ADH7: variants seen among roughly 807,000 people sequenced by gnomAD.
ADH7 encodes the protein alcohol dehydrogenase 7 (class IV), mu or sigma polypeptide, also known as all-trans-retinol dehydrogenase [NAD(+)] ADH7.
ADH7 carries 41 observed loss-of-function variants against 34.4 expected under a neutral mutation model. That is an observed-to-expected ratio of 1.19 (90% CI 0.93 to 1.55). ADH7 has a LOEUF of 1.55. Among genes scored for constraint, ADH7 ranks in the 40% most tolerant of loss-of-function variants. The pLI is 0.00. For synonymous variants in ADH7, 180 were observed against 160.9 expected, an observed-to-expected ratio of 1.12 and a Z score of -0.90; for missense variants, 540 against 461.2, an observed-to-expected ratio of 1.17 and a Z score of -1.56.
At chr4:99,414,298 C>A (rs1402084966) in intron 8 of ADH7, among the ~76,000 whole-genome samples, 1 of 151,624 alleles carries the variant, frequency 6.6e-6, no homozygotes, top group African/African-American at 2.4e-5. Flanking sequence ...AGACAAGACA[C>A]AACATTGAAA....
intron 5 of ADH7, among the ~76,000 whole-genome samples, chr4:99,422,340 C>G (rs1379736123): frequency 6.6e-6 from 1 of 152,204 alleles, no homozygotes; most frequent in South Asian, 2.1e-4. Flanking sequence ...GAAATGAGAT[C>G]ATGTCCTTTG....
rs200238844 is a variant in ADH7 at position 99,428,155 on chromosome 4, G to T, written c.279C>A (p.Leu93=). Residue 93 remains leucine, a synonymous_variant, in exon 4 of 9, where the codon CTC becomes CTA. Transcript: ENST00000437033. ...TVKPGDKVIP[L]FLPQCRECNA... ...TGCATTCTCTACATTGTGGCAGAAA[G>T]AGAGGGATGACTTTGTCACCTACAG... 36 of 1,613,922 alleles carry T rather than the reference G, an allele frequency of 2.2e-5. No individual in the cohort carries two copies. Among genetic ancestry groups the T allele is most frequent in the Admixed American group, 8.3e-5 (5 of 59,966 alleles).
intron 3 of ADH7, 91 bp downstream of exon 3, chr4:99,428,401 C>A (rs1217125146): frequency 2.1e-6 from 3 of 1,422,852 alleles, no homozygotes; most frequent in South Asian, 2.7e-5. Context: ...TGTTAAGGAT[C>A]CCTCTAATAA....
Position 99,415,546 on chromosome 4 carries a change from C to A in ADH7, c.1032G>T (p.Gln344His). ...TAAATGGTAAAACATGAGTTATCAA[C>A]TGGTCCAGGTCAAATTTCTTTGCCA... ...EFLAKKFDLD[Q>H]LITHVLPFKK... The change falls in exon 8 of 9, where the codon CAG becomes CAT. Residue 344 changes from glutamine (Q) to histidine (H), a missense_variant. Transcript: ENST00000437033. 1 of 1,613,650 alleles carries A rather than the reference C, an allele frequency of 6.2e-7. No homozygotes were observed. The highest frequency in any genetic ancestry group is 8.5e-7 in the Non-Finnish European group (1 of 1,179,738).
Position 99,415,521 on chromosome 4 carries a change from T to A in ADH7, c.1057A>T (p.Lys353Ter). 3 of 1,613,550 alleles carry A rather than the reference T, an allele frequency of 1.9e-6. No individual in the cohort carries two copies. Among genetic ancestry groups the A allele is most frequent in the Non-Finnish European group, 1.7e-6 (2 of 1,179,652 alleles). ...DQLITHVLPF[K>*]KISEGFELLN... ...AGCTCAAATCCTTCACTGATTTTTT[T>A]AAATGGTAAAACATGAGTTATCAAC... Residue 353 changes from lysine to a stop codon, truncating the protein, a stop_gained, in exon 8 of 9, where the codon AAA (lysine) becomes TAA (stop). Transcript: ENST00000437033. LOFTEE classifies it low-confidence loss of function (END_TRUNC).
chr4:99,419,066 A>T lies in ADH7; in HGVS notation c.881T>A (p.Val294Asp), dbSNP rs1361624637. The stretch of plus-strand genomic sequence containing the variant: ...GGTGAGCATCTTGGCTGATGGAGGA[A>T]CTCCTACAACCACGCTGGTCCCATA... ...MNYGTSVVVG[V>D]PPSAKMLTYD... Residue 294 changes from valine (V) to aspartate (D), a missense_variant, in exon 7 of 9, where the codon GTT becomes GAT. Coordinates refer to ENST00000437033, the MANE Select transcript of ADH7 (RefSeq NM_000673.7). The T allele has an allele frequency of 6.2e-7, 1 of 1,613,808 alleles. No homozygotes were observed. The highest frequency in any genetic ancestry group is 2.2e-5 in the East Asian group (1 of 44,862).
chr4:99,415,648 A>G (rs1006446943), intron 7 of ADH7, 32 bp from the exon 8 acceptor site: 10 of 1,597,012 alleles, frequency 6.3e-6, no homozygotes, highest in East Asian at 2.2e-5. Flanking sequence ...CTCTTTAGAC[A>G]TTACTAAATA....
chr4:99,417,172 A>G (rs766909151), intron 7 of ADH7, among the ~76,000 whole-genome samples: 2 of 152,084 alleles, frequency 1.3e-5, no homozygotes, highest in African/African-American at 2.4e-5. Flanking sequence ...GAGAGTGTTA[A>G]AATGGAAGTC....
In ADH7 at chr4:99,412,591, C is replaced by T. The variant is rs959249570; in HGVS notation, c.*557G>A. 2.0e-5 allele frequency: 3 copies of T among 152,092 alleles called. No individual in the cohort carries two copies. The highest frequency in any genetic ancestry group is 2.1e-4 in the South Asian group (1 of 4,828). The allele number at this position is 152,092 out of a possible 1,614,324, so 9.4% of individuals were successfully genotyped here. A position where few individuals can be genotyped will look rare whatever the true frequency, so the allele number is the denominator to read the frequency against. On this transcript the variant is annotated 3_prime_UTR_variant, in exon 9 of 9. Coordinates refer to ENST00000437033, the MANE Select transcript of ADH7 (RefSeq NM_000673.7). ...AAGTTATGTAATGATGATTCTTAATCGTTGAAAAATGTGCCCGTCCCTTAA... is the reference window on the plus strand; with the variant it reads ...AAGTTATGTAATGATGATTCTTAATTGTTGAAAAATGTGCCCGTCCCTTAA...
At chr4:99,433,945 A>G (rs1721992478) in intron 1 of ADH7, among the ~76,000 whole-genome samples, 1 of 152,190 alleles carries the variant, frequency 6.6e-6, no homozygotes, top group Admixed American at 6.5e-5. Context: ...CCCAATGTAA[A>G]GGGAAACTCC....
chr4:99,429,290 T>G (rs1025278258), intron 2 of ADH7, among the ~76,000 whole-genome samples: 1 of 152,168 alleles, frequency 6.6e-6, no homozygotes, highest in African/African-American at 2.4e-5. Flanking sequence ...TGAATAAAAA[T>G]TCAACAAATC....
At chr4:99,416,823 G>A (rs1721529706) in intron 7 of ADH7, among the ~76,000 whole-genome samples, 1 of 152,034 alleles carries the variant, frequency 6.6e-6, no homozygotes. Flanking sequence ...CTGCACAAGT[G>A]TAACCTGCCC....
chr4:99,413,606 T>C (rs1721456351), intron 8 of ADH7, among the ~76,000 whole-genome samples: 1 of 152,158 alleles, frequency 6.6e-6, no homozygotes, highest in Non-Finnish European at 1.5e-5. Context: ...ACAAAATAGG[T>C]TTTAGTTCAA....
At chr4:99,422,889 T>C (rs1295668649) in intron 5 of ADH7, among the ~76,000 whole-genome samples, 1 of 149,504 alleles carries the variant, frequency 6.7e-6, no homozygotes, top group Non-Finnish European at 1.5e-5. Context: ...TTATTATTAT[T>C]ATTATACTTT....
rs912593332 is a variant in ADH7, at chr4:99,413,009, T to C, written c.*139A>G. 16 of 792,100 alleles carry C rather than the reference T, an allele frequency of 2.0e-5. No individual in the cohort carries two copies. Among genetic ancestry groups the C allele is most frequent in the Non-Finnish European group, 3.1e-5 (15 of 490,772 alleles). 49.1% of individuals were successfully genotyped at this position (792,100 alleles called of 1,614,324 possible). ...ATGTTTATAAAGGTTAATAATTCTT[T>C]ATAAGGGTTCTATGTCTTCAACAAA... On this transcript the variant is annotated 3_prime_UTR_variant, in exon 9 of 9. Transcript: ENST00000437033.
intron 7 of ADH7, among the ~76,000 whole-genome samples, chr4:99,416,555 T>C (rs1203132109): frequency 6.6e-6 from 1 of 152,188 alleles, no homozygotes; most frequent in African/African-American, 2.4e-5. Context: ...TAGTTACTTC[T>C]TCCACAGATC....
At chr4:99,413,785 G>A (rs1721459041) in intron 8 of ADH7, among the ~76,000 whole-genome samples, 1 of 152,180 alleles carries the variant, frequency 6.6e-6, no homozygotes. Flanking sequence ...AAAGCAATGA[G>A]CGTGGGCAAT....
At chr4:99,420,891 C>G in intron 5 of ADH7, 98 bp from the exon 6 acceptor site, 3 of 1,085,944 alleles carry the variant, frequency 2.8e-6, no homozygotes, top group Non-Finnish European at 2.7e-6. Flanking sequence ...TGAGTGAACT[C>G]CCATTCACAA....
rs868708811 is a variant in ADH7 at position 99,420,695 on chromosome 4, C to T, written c.663G>A (p.Gly221=). Reference sequence around the variant, plus strand: ...CAAATTTGTCTTTGTTGAGGTCAATCCCAATGATCCTAGATGCACCAGCTG... The same window carrying T: ...CAAATTTGTCTTTGTTGAGGTCAATTCCAATGATCCTAGATGCACCAGCTG... ...CKSAGASRII[G]IDLNKDKFEK... Residue 221 remains glycine, a synonymous_variant, in exon 6 of 9, where the codon GGG becomes GGA. Transcript: ENST00000437033. The T allele has an allele frequency of 1.9e-6, 3 of 1,613,928 alleles. No homozygotes were observed. Among genetic ancestry groups the T allele is most frequent in the South Asian group, 1.1e-5 (1 of 91,074 alleles).
Sources: gnomAD v4.1 joint callset for allele counts (sites outside exome capture counted in the v4.1 genomes callset) on GRCh38, gnomAD v4.1.1 for gene constraint, MANE v1.5 for transcripts, NCBI Gene and HGNC (gene_info 2026-07-23, HGNC 2026-07-21) for gene names.